The following RICTOR variants were observed in gnomAD, a reference collection of about 807,000 sequenced individuals.
RICTOR encodes the protein rapamycin-insensitive companion of mTOR.
In RICTOR, 49 loss-of-function variants were observed where a neutral mutation model predicts 214.9. The observed-to-expected ratio is 0.23, with a 90% CI of 0.18 to 0.29. RICTOR has a LOEUF of 0.29. Among genes scored for constraint, RICTOR ranks in the 10% least tolerant of loss-of-function variants. The pLI, the probability that RICTOR is intolerant of heterozygous loss-of-function variation, is 1.00. For synonymous variants in RICTOR, 717 were observed against 711.3 expected, an observed-to-expected ratio of 1.01 and a Z score of -0.13; for missense variants, 1,625 against 2,047.0, an observed-to-expected ratio of 0.79 and a Z score of 3.98.
intron 6 of RICTOR, among the ~76,000 whole-genome samples, chr5:38,991,446 C>A (rs372474255): frequency 6.6e-6 from 1 of 152,036 alleles, no homozygotes; most frequent in Non-Finnish European, 1.5e-5. Context: ...TGTACTTTTA[C>A]GATCCTGACC....
At chr5:39,013,498 GTC>G (rs889106759) in intron 3 of RICTOR, among the ~76,000 whole-genome samples, 4 of 151,986 alleles carry the variant, frequency 2.6e-5, no homozygotes, top group Admixed American at 1.3e-4. Context: ...TTAAAAATTT[GTC>G]TGTTTATTAA....
At chr5:38,986,694 C>G (rs972575020) in intron 7 of RICTOR, among the ~76,000 whole-genome samples, 29 of 152,140 alleles carry the variant, frequency 1.9e-4, no homozygotes, top group African/African-American at 6.3e-4. Flanking sequence ...TCTTCTCTTC[C>G]TATTTTAATA....
intron 7 of RICTOR, among the ~76,000 whole-genome samples, chr5:38,988,860 G>C (rs901311768): frequency 6.6e-6 from 1 of 152,056 alleles, no homozygotes; most frequent in African/African-American, 2.4e-5. Context: ...AAGGAAATAA[G>C]AGAGAACACA....
chr5:39,024,690 G>A (rs72635277), intron 2 of RICTOR, among the ~76,000 whole-genome samples: 3,089 of 152,202 alleles, frequency 0.02, 58 homozygotes, highest in African/African-American at 0.051. Context: ...AGATTAACTC[G>A]TGACAATATA....
At chr5:38,967,850 G>T in intron 12 of RICTOR, 93 bp downstream of exon 12, 1 of 638,194 alleles carries the variant, frequency 1.6e-6, no homozygotes, top group Non-Finnish European at 2.8e-6. Flanking sequence ...AGAAAATAGT[G>T]TTCAATAATT....
At chr5:39,041,089 G>A (rs1304387359) in intron 2 of RICTOR, among the ~76,000 whole-genome samples, 1 of 152,234 alleles carries the variant, frequency 6.6e-6, no homozygotes, top group Non-Finnish European at 1.5e-5. Flanking sequence ...CAGGCACATG[G>A]TGGGTTGTCA....
chr5:38,987,707 C>T (rs1363341247), intron 7 of RICTOR, among the ~76,000 whole-genome samples: 2 of 152,042 alleles, frequency 1.3e-5, no homozygotes. Context: ...GTATCTCCTT[C>T]AGTTCTTGTT....
Position 38,940,144 on chromosome 5 carries a change from A to AAAAAAAAAAAAAAAAAAC in RICTOR, c.*2159_*2160insGTTTTTTTTTTTTTTTTT, listed in dbSNP as rs1561426227. On this transcript the variant is annotated 3_prime_UTR_variant, in exon 38 of 38. Transcript: ENST00000357387. The stretch of plus-strand genomic sequence containing the variant: ...CAAAGTAACAGTAAAAAAAAAAAAC[A>AAAAAAAAAAAAAAAAAAC]AAAAAAAAAACACAAAACATTCAGG... 7.1e-6 allele frequency: 1 copy of AAAAAAAAAAAAAAAAAAC among 140,892 alleles called. No homozygotes were observed. The highest frequency in any genetic ancestry group is 1.3e-5 in the Non-Finnish European group (1 of 74,532). The allele number at this position is 140,892 out of a possible 1,614,324, so 8.7% of individuals were successfully genotyped here.
intron 2 of RICTOR, among the ~76,000 whole-genome samples, chr5:39,069,736 A>C (rs746554358): frequency 1.5e-4 from 23 of 152,222 alleles, no homozygotes; most frequent in Non-Finnish European, 2.9e-4. Context: ...ATCATCCGTC[A>C]GATTATATCA....
At position 38,992,163 on chromosome 5, in the gene RICTOR, G is replaced by C. The variant is rs77684401; in HGVS notation, c.457-1088C>G. 6.9e-3 allele frequency among the ~76,000 whole-genome samples: 1,057 copies of C among 152,150 alleles called. 53 individuals carry two copies. The East Asian group carries it at 0.12, about 18-fold the overall frequency. On this transcript the variant is annotated intron_variant, in intron 6 of 37. Coordinates refer to ENST00000357387, the MANE Select transcript of RICTOR (RefSeq NM_152756.5). ...GAAATTACAGAATACAGTTCTACAA[G>C]CATAAATCAAATACATCTCCAATAA...
At chr5:38,966,801 A>T (rs954086345) in intron 14 of RICTOR, 80 bp from the exon 15 acceptor site, 185 of 549,554 alleles carry the variant, frequency 3.4e-4, no homozygotes, top group East Asian at 5.1e-4. Context: ...ATTTTTCAAA[A>T]TTTTTTTTTT....
chr5:39,012,679 G>C (rs1754629017), intron 3 of RICTOR, among the ~76,000 whole-genome samples: 1 of 152,058 alleles, frequency 6.6e-6, no homozygotes, highest in Non-Finnish European at 1.5e-5. Context: ...ATATAGGCTT[G>C]TTATTATATA....
chr5:39,035,541 T>C (rs948061371), intron 2 of RICTOR, among the ~76,000 whole-genome samples: 2 of 151,948 alleles, frequency 1.3e-5, no homozygotes, highest in African/African-American at 2.4e-5. Flanking sequence ...AAGAGGAAGT[T>C]CGAACCAATG....
intron 32 of RICTOR, 23 bp from the exon 33 acceptor site, chr5:38,946,575 G>GT: frequency 7.0e-7 from 1 of 1,418,806 alleles, no homozygotes; most frequent in Non-Finnish European, 1.0e-6. Flanking sequence ...ATAAACCATG[G>GT]TAAGTCCTGC....
chr5:39,049,225 T>C (rs1757688989), intron 2 of RICTOR, among the ~76,000 whole-genome samples: 2 of 149,582 alleles, frequency 1.3e-5, no homozygotes, highest in Admixed American at 6.7e-5. Context: ...CTAACAAATA[T>C]AGGGCACAAC....
At chr5:38,966,473 C>T (rs1331351460) in intron 15 of RICTOR, among the ~76,000 whole-genome samples, 168 bp downstream of exon 15, 3 of 152,262 alleles carry the variant, frequency 2.0e-5, no homozygotes, top group African/African-American at 7.2e-5. Context: ...ACGTACATAT[C>T]TATCTCAGGA....
Position 38,938,241 on chromosome 5 carries a change from T to C in RICTOR, c.*4063A>G, listed in dbSNP as rs10315. ...AAATATGTAGCAGCGTATTACTAAA[T>C]AAAAAAGAAGAAACTCATGTGGTTA... On this transcript the variant is annotated 3_prime_UTR_variant, in exon 38 of 38. Transcript: ENST00000357387. 4.4e-6 allele frequency: 1 copy of C among 226,130 alleles called. No individual in the cohort carries two copies. The allele number at this position is 226,130 out of a possible 1,614,324, so 14.0% of individuals were successfully genotyped here.
intron 29 of RICTOR, 73 bp from the exon 30 acceptor site, chr5:38,952,498 T>G (rs1748880041): frequency 2.0e-6 from 2 of 985,470 alleles, no homozygotes; most frequent in South Asian, 1.6e-5. Flanking sequence ...ACAGATTAAT[T>G]TGCTATACAT....
chr5:39,074,201 AG>A, intron 1 of RICTOR, 43 bp from the exon 2 acceptor site: 1 of 1,586,400 alleles, frequency 6.3e-7, no homozygotes, highest in Middle Eastern at 1.7e-4. Context: ...ATTGGCTCGC[AG>A]GCCAGCTGCG....
Sources: gnomAD v4.1 joint callset for allele counts (sites outside exome capture counted in the v4.1 genomes callset) on GRCh38, gnomAD v4.1.1 for gene constraint, MANE v1.5 for transcripts, NCBI Gene and HGNC (gene_info 2026-07-23, HGNC 2026-07-21) for gene names.